NFKB1: variants seen among roughly 807,000 people sequenced by gnomAD.
NFKB1 encodes the protein nuclear factor kappa B subunit 1.
A neutral mutation model predicts 105.1 loss-of-function variants in NFKB1; 9 were observed. The observed-to-expected ratio is 0.09, with a 90% confidence interval of 0.05 to 0.15. The LOEUF (loss-of-function observed/expected upper bound fraction) is 0.15, where lower values mean the gene tolerates loss of function less well. Ranked by LOEUF, NFKB1 falls within the 10% of genes least tolerant of loss-of-function variation. NFKB1 has a pLI of 1.00. For synonymous variants in NFKB1, 440 were observed against 442.2 expected, an observed-to-expected ratio of 1.00 and a Z score of 0.06; for missense variants, 830 against 1,203.7, an observed-to-expected ratio of 0.69 and a Z score of 4.59.
At chr4:102,591,464 G>A (rs1726169413) in intron 11 of NFKB1, among the ~76,000 whole-genome samples, 2 of 149,966 alleles carry the variant, frequency 1.3e-5, no homozygotes, top group South Asian at 4.2e-4. Flanking sequence ...AGGAGTTAAT[G>A]CAGCTGGTGA....
At chr4:102,510,531 A>G (rs537752304) in intron 1 of NFKB1, among the ~76,000 whole-genome samples, 9 of 152,346 alleles carry the variant, frequency 5.9e-5, no homozygotes, top group Admixed American at 5.9e-4. Context: ...AGATAGGTCA[A>G]CTTAAGAAAA....
intron 4 of NFKB1, among the ~76,000 whole-genome samples, chr4:102,534,413 C>T (rs1245925810): frequency 6.6e-6 from 1 of 152,176 alleles, no homozygotes; most frequent in Admixed American, 6.6e-5. Context: ...ATTGAATTCT[C>T]TTCCCTCTGG....
intron 16 of NFKB1, among the ~76,000 whole-genome samples, chr4:102,604,578 T>C (rs1278729679): frequency 6.6e-6 from 1 of 152,028 alleles, no homozygotes; most frequent in Non-Finnish European, 1.5e-5. Flanking sequence ...ACTGTATTTC[T>C]GCCTTCACTG....
intron 6 of NFKB1, among the ~76,000 whole-genome samples, chr4:102,571,319 T>C (rs969119463): frequency 6.6e-6 from 1 of 152,188 alleles, no homozygotes; most frequent in African/African-American, 2.4e-5. Flanking sequence ...TTACACCTTA[T>C]ACAAAAATTA....
chr4:102,548,513 G>A (rs1008334642), intron 5 of NFKB1, among the ~76,000 whole-genome samples: 4 of 152,162 alleles, frequency 2.6e-5, no homozygotes, highest in Non-Finnish European at 5.9e-5. Context: ...CTTATATTCA[G>A]AATGGATGCA....
At chr4:102,534,050 T>C (rs191150381) in intron 4 of NFKB1, among the ~76,000 whole-genome samples, 165 bp downstream of exon 4, 1 of 152,350 alleles carries the variant, frequency 6.6e-6, no homozygotes, top group Admixed American at 6.5e-5. Flanking sequence ...TTTACATTTC[T>C]CTTACTCATT....
At chr4:102,547,996 A>G (rs1722267533) in intron 5 of NFKB1, among the ~76,000 whole-genome samples, 1 of 152,056 alleles carries the variant, frequency 6.6e-6, no homozygotes, top group Admixed American at 6.6e-5. Flanking sequence ...CAGTGTTTTA[A>G]TTTAGGATAC....
intron 5 of NFKB1, among the ~76,000 whole-genome samples, chr4:102,546,561 G>C (rs1208795675): frequency 6.6e-6 from 1 of 152,054 alleles, no homozygotes; most frequent in Non-Finnish European, 1.5e-5. Flanking sequence ...AAAACTACTG[G>C]GGCGCCGTAA....
chr4:102,509,646 C>T (rs746655965), intron 1 of NFKB1, among the ~76,000 whole-genome samples: 11 of 152,068 alleles, frequency 7.2e-5, no homozygotes, highest in Admixed American at 1.3e-4. Flanking sequence ...GATTGGTATC[C>T]CCAGCACATT....
At chr4:102,515,149 C>T (rs1455214547) in intron 1 of NFKB1, among the ~76,000 whole-genome samples, 23 of 118,376 alleles carry the variant, frequency 1.9e-4, no homozygotes, top group Admixed American at 1.9e-3. Context: ...CTCGCTCTGT[C>T]GCCCAGGCTG....
chr4:102,516,548 A>T lies in NFKB1; in HGVS notation c.-7-8964A>T, dbSNP rs1740200285. Among the ~76,000 whole-genome samples the T allele has an allele frequency of 2.6e-5, 4 of 150,964 alleles. No homozygotes were observed. The South Asian group carries it at 8.4e-4, about 32-fold the overall frequency. ...TTAAATATGCTAAGTCCATCTAGTG[A>T]AATTTCATTTCAGTTCTAAAATTTC... On this transcript the variant is annotated intron_variant, in intron 1 of 23. Coordinates refer to ENST00000226574, the MANE Select transcript of NFKB1 (RefSeq NM_003998.4).
chr4:102,592,089 A>T (rs1254437757), intron 11 of NFKB1, among the ~76,000 whole-genome samples: 1 of 152,254 alleles, frequency 6.6e-6, no homozygotes, highest in East Asian at 1.9e-4. Context: ...GAGCCTGAAG[A>T]TGAGACTGAA....
chr4:102,610,635 A>G lies in NFKB1; in HGVS notation c.2288A>G (p.Asn763Ser), dbSNP rs754058922. 36 of 1,614,070 alleles carry G rather than the reference A, an allele frequency of 2.2e-5. No homozygotes were observed. The highest frequency in any genetic ancestry group is 3.1e-5 in the Non-Finnish European group (36 of 1,179,982). ...TATGACCTGGATGACTCTTGGGAAA[A>G]TGCAGGAGAGGATGAAGGAGTTGTG... is the stretch of plus-strand genomic sequence containing the variant. ...PLYDLDDSWENAGEDEGVVPG... is the reference protein window; with the variant it reads ...PLYDLDDSWESAGEDEGVVPG... Residue 763 changes from asparagine to serine, a missense_variant, in exon 20 of 24, where the codon AAT becomes AGT. Asn to Ser is a conservative substitution (Grantham distance 46). Transcript: ENST00000226574.
intron 13 of NFKB1, among the ~76,000 whole-genome samples, chr4:102,595,247 C>T (rs1726512527): frequency 6.6e-6 from 1 of 152,140 alleles, no homozygotes; most frequent in African/African-American, 2.4e-5. Flanking sequence ...ACAACAGAGA[C>T]CTGACTATTC....
intron 14 of NFKB1, among the ~76,000 whole-genome samples, chr4:102,596,926 T>C (rs1726664880): frequency 1.3e-5 from 2 of 152,070 alleles, no homozygotes; most frequent in South Asian, 4.2e-4. Flanking sequence ...CATATGCTTT[T>C]TTTTTACACC....
intron 6 of NFKB1, among the ~76,000 whole-genome samples, chr4:102,572,913 A>G (rs1724505869): frequency 6.6e-6 from 1 of 152,152 alleles, no homozygotes; most frequent in Non-Finnish European, 1.5e-5. Flanking sequence ...TCCTTTTATT[A>G]TACTGCTGAT....
At chr4:102,507,534 T>G (rs1739501793) in intron 1 of NFKB1, among the ~76,000 whole-genome samples, 1 of 152,136 alleles carries the variant, frequency 6.6e-6, no homozygotes, top group Non-Finnish European at 1.5e-5. Context: ...ACTCCTGACC[T>G]CAAGTGATCC....
intron 16 of NFKB1, among the ~76,000 whole-genome samples, chr4:102,603,479 T>C (rs1280380893): frequency 2.0e-5 from 3 of 152,172 alleles, no homozygotes; most frequent in African/African-American, 7.2e-5. Flanking sequence ...ACCGCCACCA[T>C]TGATACTTCT....
chr4:102,603,514 A>G (rs532867579), intron 16 of NFKB1, among the ~76,000 whole-genome samples: 2 of 152,160 alleles, frequency 1.3e-5, no homozygotes, highest in African/African-American at 4.8e-5. Context: ...GGGGACTCTC[A>G]GAAGACTATA....
Sources: gnomAD v4.1 joint callset for allele counts (sites outside exome capture counted in the v4.1 genomes callset) on GRCh38, gnomAD v4.1.1 for gene constraint, MANE v1.5 for transcripts, NCBI Gene and HGNC (gene_info 2026-07-23, HGNC 2026-07-21) for gene names.